SMCHD1: variants seen among roughly 807,000 people sequenced by gnomAD.
SMCHD1 encodes the protein structural maintenance of chromosomes flexible hinge domain-containing protein 1.
A neutral mutation model predicts 254.7 loss-of-function variants in SMCHD1; 78 were observed. The observed-to-expected ratio is 0.31, with a 90% CI of 0.26 to 0.37. SMCHD1 has a LOEUF of 0.37. Ranked by LOEUF, SMCHD1 falls within the 10% of genes least tolerant of loss-of-function variation. The probability of loss-of-function intolerance (pLI) is 1.00; values close to 1 mark genes in which losing one functional copy is unlikely to be tolerated. For synonymous variants in SMCHD1, 766 were observed against 794.9 expected, an observed-to-expected ratio of 0.96 and a Z score of 0.61; for missense variants, 1,840 against 2,408.1, an observed-to-expected ratio of 0.76 and a Z score of 4.94.
Position 2,802,428 on chromosome 18 carries a change from A to G in SMCHD1, c.5994-100A>G, listed in dbSNP as rs796597668. ...TACCAAGAATTATATTTAAAAGAAT[A>G]TGGTTTCATTGGATATTTAAGCATT... On this transcript the variant is annotated intron_variant, in intron 47 of 47. Coordinates refer to ENST00000320876, the MANE Select transcript of SMCHD1 (RefSeq NM_015295.3). 8.8e-5 allele frequency: 72 copies of G among 815,908 alleles called. No individual in the cohort carries two copies. The Middle Eastern group carries it at 1.7e-3, about 20-fold the overall frequency. 50.5% of individuals were successfully genotyped at this position (815,908 alleles called of 1,614,324 possible). A position where few individuals can be genotyped will look rare whatever the true frequency, so the allele number is the denominator to read the frequency against.
At chr18:2,668,714 A>G (rs1157314671) in intron 3 of SMCHD1, among the ~76,000 whole-genome samples, 1 of 151,828 alleles carries the variant, frequency 6.6e-6, no homozygotes, top group Non-Finnish European at 1.5e-5. Context: ...TCTTCCTCCC[A>G]TTGTTTCTTA....
Position 2,781,097 on chromosome 18 carries a change from G to T in SMCHD1, c.5547+2858G>T, listed in dbSNP as rs185741809. Among the ~76,000 whole-genome samples, 383 of 152,282 alleles carry T rather than the reference G, an allele frequency of 2.5e-3. 1 individual carries two copies. Among genetic ancestry groups the T allele is most frequent in the Non-Finnish European group, 4.3e-3 (295 of 68,018 alleles). ...ACTCCCTCGAGGGGCTTTAGGATAG[G>T]AGACAAAACCCAGGGCTCTAAACAA... On this transcript the variant is annotated intron_variant, in intron 44 of 47. Transcript: ENST00000320876.
In SMCHD1 at chr18:2,666,918, A is replaced by G. The variant is rs375795924; in HGVS notation, c.311A>G (p.Asn104Ser). 137 of 1,613,214 alleles carry G rather than the reference A, an allele frequency of 8.5e-5. No homozygotes were observed. Among genetic ancestry groups the G allele is most frequent in the East Asian group, 4.9e-4 (22 of 44,856 alleles). The change falls in exon 3 of 48, where the codon AAT becomes AGT. Residue 104 changes from asparagine (N) to serine (S), a missense_variant. By Grantham distance (46) the Asn-to-Ser change is conservative. Transcript: ENST00000320876. ...GVTLYLLQSV[N>S]QLLLTATKER... ...ACCTTATACCTGCTACAGTCGGTCA[A>G]TCAGTTACTACTGACAGCTACGAAA...
chr18:2,724,472 G>A lies in SMCHD1; in HGVS notation c.2604-427G>A, dbSNP rs182268111. Among the ~76,000 whole-genome samples the A allele has an allele frequency of 4.2e-3, 642 of 152,046 alleles. 4 individuals are homozygous for A. The highest frequency in any genetic ancestry group is 0.015 in the African/African-American group (619 of 41,494). On this transcript the variant is annotated intron_variant, in intron 20 of 47. Coordinates refer to ENST00000320876, the MANE Select transcript of SMCHD1 (RefSeq NM_015295.3). ...ATTGCCATTCAGTTTAATAACAGAT[G>A]CCCAGAATTCTCTAAAATCCCACTG...
chr18:2,779,566 A>C (rs74988339), intron 44 of SMCHD1, among the ~76,000 whole-genome samples: 3,398 of 152,308 alleles, frequency 0.022, 50 homozygotes, highest in African/African-American at 0.036. Context: ...CAGTATCTGT[A>C]AATAGTGTAT....
intron 3 of SMCHD1, 132 bp from the exon 4 acceptor site, chr18:2,673,149 C>T: frequency 7.5e-7 from 1 of 1,328,584 alleles, no homozygotes; most frequent in East Asian, 2.8e-5. Flanking sequence ...TGTATTATAT[C>T]ATTAGGATCA....
At chr18:2,705,628 T>C in intron 13 of SMCHD1, 66 bp from the exon 14 acceptor site, 1 of 653,578 alleles carries the variant, frequency 1.5e-6, no homozygotes, top group Admixed American at 3.5e-5. Context: ...AAATTATTAT[T>C]AAGCCTTTTT....
At chr18:2,679,519 CTT>C (rs1379833700) in intron 5 of SMCHD1, among the ~76,000 whole-genome samples, 2 of 133,206 alleles carry the variant, frequency 1.5e-5, no homozygotes, top group Non-Finnish European at 3.2e-5. Flanking sequence ...GGTTGACAGT[CTT>C]TTGTCTTTCA....
intron 30 of SMCHD1, 50 bp from the exon 31 acceptor site, chr18:2,749,993 T>C: frequency 8.2e-6 from 12 of 1,455,306 alleles, no homozygotes; most frequent in South Asian, 1.3e-5. Flanking sequence ...AAGAACTTGA[T>C]TGATCTCTAG....
At chr18:2,787,046 ATACT>A (rs1223012577) in intron 45 of SMCHD1, among the ~76,000 whole-genome samples, 1 of 152,212 alleles carries the variant, frequency 6.6e-6, no homozygotes, top group Non-Finnish European at 1.5e-5. Context: ...AAAGAAAAAG[ATACT>A]TAATTTGGCA....
chr18:2,691,191 T>C (rs928386561), intron 7 of SMCHD1, among the ~76,000 whole-genome samples: 1 of 152,328 alleles, frequency 6.6e-6, no homozygotes, highest in East Asian at 1.9e-4. Context: ...GGTGGAAATA[T>C]TACTTGCCAT....
At chr18:2,717,429 T>G (rs1484875361) in intron 17 of SMCHD1, among the ~76,000 whole-genome samples, 5 of 152,184 alleles carry the variant, frequency 3.3e-5, no homozygotes, top group African/African-American at 1.2e-4. Context: ...CTTGACCTCC[T>G]GGGCTCAAGT....
chr18:2,792,390 T>C (rs1161114542), intron 45 of SMCHD1, among the ~76,000 whole-genome samples: 1 of 152,242 alleles, frequency 6.6e-6, no homozygotes, highest in Non-Finnish European at 1.5e-5. Context: ...AGGTTCTACA[T>C]ACCATGTAGG....
In SMCHD1 at chr18:2,708,005, C is replaced by T. The variant is rs1369794557; in HGVS notation, c.2260+85C>T. On this transcript the variant is annotated intron_variant, in intron 17 of 47. Transcript: ENST00000320876. ...AATATCTTCATGTAATTATTGATGA[C>T]CTAGCAATCTGATAGGCATAGCAAA... The T allele has an allele frequency of 5.0e-6, 4 of 805,244 alleles. No homozygotes were observed. In the African/African-American group the frequency reaches 7.1e-5, roughly 14 times the overall value. 49.9% of individuals were successfully genotyped at this position (805,244 alleles called of 1,614,324 possible).
intron 17 of SMCHD1, among the ~76,000 whole-genome samples, chr18:2,712,907 C>T (rs867481644): frequency 4.6e-5 from 7 of 152,216 alleles, no homozygotes; most frequent in South Asian, 2.1e-4. Context: ...CTTCCTCTCT[C>T]TCCAACTTGA....
chr18:2,681,830 G>T (rs1032326292), intron 5 of SMCHD1, among the ~76,000 whole-genome samples: 1 of 152,018 alleles, frequency 6.6e-6, no homozygotes, highest in Admixed American at 6.6e-5. Context: ...CAATTAAAAG[G>T]CTCTCAACTC....
intron 22 of SMCHD1, among the ~76,000 whole-genome samples, chr18:2,727,450 C>A (rs534885172): frequency 1.3e-5 from 2 of 152,004 alleles, no homozygotes. Flanking sequence ...AAAAATCATA[C>A]GTATCAACAA....
At chr18:2,674,166 T>C (rs1477471770) in intron 5 of SMCHD1, 21 bp downstream of exon 5, 5 of 1,544,798 alleles carry the variant, frequency 3.2e-6, no homozygotes, top group Non-Finnish European at 2.6e-6. Context: ...CTTACTTTTT[T>C]TTTTTTGTGG....
chr18:2,682,552 C>G (rs554437791), intron 5 of SMCHD1, among the ~76,000 whole-genome samples: 2 of 152,276 alleles, frequency 1.3e-5, no homozygotes, highest in East Asian at 3.9e-4. Flanking sequence ...GAACTCCTGA[C>G]CTCAGGTGAT....
Sources: gnomAD v4.1 joint callset for allele counts (sites outside exome capture counted in the v4.1 genomes callset) on GRCh38, gnomAD v4.1.1 for gene constraint, MANE v1.5 for transcripts, NCBI Gene and HGNC (gene_info 2026-07-23, HGNC 2026-07-21) for gene names.